HTD2: variants seen among roughly 807,000 people sequenced by gnomAD.
HTD2 encodes hydroxyacyl-thioester dehydratase type 2, mitochondrial.
A neutral mutation model predicts 3.1 loss-of-function variants in HTD2; 1 was observed. That is an observed-to-expected ratio of 0.32 (90% CI 0.11 to 1.52). The LOEUF (loss-of-function observed/expected upper bound fraction) is 1.52, where lower values mean the gene tolerates loss of function less well. Ranked by LOEUF, HTD2 falls within the 40% of genes most tolerant of loss-of-function variation. HTD2 has a pLI of 0.39. For missense variants in HTD2, 150 were observed against 79.6 expected (o/e 1.88, Z -3.36); for synonymous variants, 50 against 28.9 (o/e 1.73, Z -2.34).
Position 58,317,621 on chromosome 3 carries a change from C to T in HTD2, c.8C>T (p.Pro3Leu), listed in dbSNP as rs770395875. The T allele has an allele frequency of 9.2e-5, 69 of 751,944 alleles. No homozygotes were observed. The highest frequency in any genetic ancestry group is 2.3e-4 in the Middle Eastern group (1 of 4,414). 46.6% of individuals were successfully genotyped at this position (751,944 alleles called of 1,614,324 possible). ...AATTTGAGGGTGCTGAAGATGTTCC[C>T]ACTAATTTCCAGCCATCACCTTTGG... MF[P>L]LISSHHLWWG... Residue 3 changes from proline to leucine, a missense_variant, in exon 5 of 5, where the codon CCA (proline) becomes CTA (leucine). Physicochemically the swap from Pro to Leu is moderately conservative, Grantham distance 98 (BLOSUM62 -3). Transcript: ENST00000461393.
intron 1 of HTD2, among the ~76,000 whole-genome samples, chr3:58,309,217 T>G (rs1470807722): frequency 1.3e-5 from 2 of 152,246 alleles, no homozygotes; most frequent in African/African-American, 4.8e-5. Flanking sequence ...TCTTAGATTT[T>G]ACTCCTTTAT....
At chr3:58,309,497 G>A (rs757570349) in intron 1 of HTD2, among the ~76,000 whole-genome samples, 4 of 152,222 alleles carry the variant, frequency 2.6e-5, no homozygotes, top group Non-Finnish European at 5.9e-5. Flanking sequence ...TAAGAGTACA[G>A]TGATTTGACA....
chr3:58,317,792 CAG>C lies in HTD2; in HGVS notation c.180_181del (p.Asp62CysfsTer8), dbSNP rs2097489934. 3 of 703,080 alleles carry C rather than the reference CAG, an allele frequency of 4.3e-6. No individual in the cohort carries two copies. The highest frequency in any genetic ancestry group is 7.8e-6 in the Non-Finnish European group (3 of 385,012). 43.6% of individuals were successfully genotyped at this position (703,080 alleles called of 1,614,324 possible). On this transcript the variant is annotated frameshift_variant, in exon 5 of 5. Coordinates refer to ENST00000461393, the MANE Select transcript of HTD2 (RefSeq NM_001348712.2). LOFTEE classifies it high-confidence loss of function. Reference sequence around the variant, plus strand: ...GATGTGGCTACCTTCTCAGAATTAACAGGGGATGTCAATCCTTTGCATTTGAA... The same window carrying C: ...GATGTGGCTACCTTCTCAGAATTAACGGGATGTCAATCCTTTGCATTTGAA...
Position 58,318,066 on chromosome 3 carries a change from G to A in HTD2, c.453G>A (p.Lys151=), listed in dbSNP as rs2097490244. Residue 151 remains lysine (K), a synonymous_variant, in exon 5 of 5, where the codon AAG becomes AAA. Transcript: ENST00000461393. ...CATGTTCTGTAATAGAAAGTAAAAA[G>A]ACTGTTATGGAAGGCTGGGTTAAAG... ...AVSCSVIESK[K]TVMEGWVKVM... The A allele has an allele frequency of 4.4e-6, 3 of 685,850 alleles. No individual in the cohort carries two copies. Among genetic ancestry groups the A allele is most frequent in the Non-Finnish European group, 5.3e-6 (2 of 379,546 alleles). The allele number at this position is 685,850 out of a possible 1,614,324, so 42.5% of individuals were successfully genotyped here.
At position 58,314,766 on chromosome 3, in the gene HTD2, C is replaced by G. The variant is rs557821850; in HGVS notation, c.-330-1749C>G. On this transcript the variant is annotated intron_variant, in intron 2 of 4. Transcript: ENST00000461393. ...GTGGCACAATCTTGGCTCACTGCAA[C>G]CTCCGCCTCCCAGGTTCAGGCGATT... 6.1e-5 allele frequency among the ~76,000 whole-genome samples: 9 copies of G among 146,350 alleles called. No individual in the cohort carries two copies. The South Asian group carries it at 2.0e-3, about 32-fold the overall frequency.
rs770537330 is a variant in HTD2 at position 58,318,080 on chromosome 3, G to T, written c.467G>T (p.Gly156Val). 1 of 676,556 alleles carries T rather than the reference G, an allele frequency of 1.5e-6. No individual in the cohort carries two copies. Among genetic ancestry groups the T allele is most frequent in the South Asian group, 1.6e-5 (1 of 62,616 alleles). The allele number at this position is 676,556 out of a possible 1,614,324, so 41.9% of individuals were successfully genotyped here. A position where few individuals can be genotyped will look rare whatever the true frequency, so the allele number is the denominator to read the frequency against. Residue 156 changes from glycine (G) to valine (V), a missense_variant, in exon 5 of 5, where the codon GGC (glycine) becomes GTC (valine). By Grantham distance (109) the Gly-to-Val change is moderately radical. Coordinates refer to ENST00000461393, the MANE Select transcript of HTD2 (RefSeq NM_001348712.2). ...GAAAGTAAAAAGACTGTTATGGAAG[G>T]CTGGGTTAAAGTTATGGTTCCAGAA... ...VIESKKTVMEGWVKVMVPEAS... is the reference protein window; with the variant it reads ...VIESKKTVMEVWVKVMVPEAS...
At chr3:58,316,355 C>T (rs2097488271) in intron 2 of HTD2, 160 bp from the exon 3 acceptor site, 1 of 622,490 alleles carries the variant, frequency 1.6e-6, no homozygotes, top group East Asian at 2.8e-5. Context: ...ACATTCTAGG[C>T]AGGGGGAGCT....
At chr3:58,316,674 T>A in intron 3 of HTD2, 83 bp downstream of exon 3, 1 of 1,291,160 alleles carries the variant, frequency 7.7e-7, no homozygotes, top group Non-Finnish European at 1.1e-6. Flanking sequence ...AGAATGAGAA[T>A]AAATTTTTTG....
At chr3:58,313,574 C>T (rs2107505492) in intron 2 of HTD2, among the ~76,000 whole-genome samples, 1 of 151,532 alleles carries the variant, frequency 6.6e-6, no homozygotes. Flanking sequence ...TGTAATCCCA[C>T]CACTTTTGAG....
Position 58,318,301 on chromosome 3 carries a change from A to T in HTD2, c.*181A>T. On this transcript the variant is annotated 3_prime_UTR_variant, in exon 5 of 5. Transcript: ENST00000461393. ...TCCAGTTTGGCCTTATGCTTCATGC[A>T]GACTTGAGTGTATGCAGGATTTCAT... 1 of 517,672 alleles carries T rather than the reference A, an allele frequency of 1.9e-6. No homozygotes were observed. Among genetic ancestry groups the T allele is most frequent in the Non-Finnish European group, 3.4e-6 (1 of 296,768 alleles). The allele number at this position is 517,672 out of a possible 1,614,324, so 32.1% of individuals were successfully genotyped here. A position where few individuals can be genotyped will look rare whatever the true frequency, so the allele number is the denominator to read the frequency against.
At chr3:58,314,727 C>T (rs1017251725) in intron 2 of HTD2, among the ~76,000 whole-genome samples, 11 of 132,634 alleles carry the variant, frequency 8.3e-5, no homozygotes, top group African/African-American at 5.7e-5. Context: ...GTTCTGTCAC[C>T]GGGCTGGAGT....
chr3:58,316,167 A>C (rs2097488095), intron 2 of HTD2, among the ~76,000 whole-genome samples: 1 of 152,232 alleles, frequency 6.6e-6, no homozygotes, highest in Non-Finnish European at 1.5e-5. Context: ...TAGTAGGAAA[A>C]CATGTTGGAC....
At chr3:58,316,663 G>C in intron 3 of HTD2, 72 bp downstream of exon 3, 1 of 1,333,626 alleles carries the variant, frequency 7.5e-7, no homozygotes, top group South Asian at 1.2e-5. Context: ...GCTCTCTTCT[G>C]AGAATGAGAA....
chr3:58,311,947 A>T (rs2107503045), intron 2 of HTD2, among the ~76,000 whole-genome samples: 1 of 152,000 alleles, frequency 6.6e-6, no homozygotes, highest in African/African-American at 2.4e-5. Context: ...GTCATGGCTC[A>T]CTACAGCCTC....
rs1214301475 is a variant in HTD2, at chr3:58,318,422, C to G, written c.*302C>G. On this transcript the variant is annotated 3_prime_UTR_variant, in exon 5 of 5. Coordinates refer to ENST00000461393, the MANE Select transcript of HTD2 (RefSeq NM_001348712.2). ...CCTGTAATCCTGGCACTTTGGGAGGCTGCGGCAGGCGGATCACTTGAGGTC... is the reference window on the plus strand; with the variant it reads ...CCTGTAATCCTGGCACTTTGGGAGGGTGCGGCAGGCGGATCACTTGAGGTC... 5.2e-6 allele frequency: 1 copy of G among 192,774 alleles called. No individual in the cohort carries two copies. The highest frequency in any genetic ancestry group is 1.0e-5 in the Non-Finnish European group (1 of 96,770). The allele number at this position is 192,774 out of a possible 1,614,324, so 11.9% of individuals were successfully genotyped here. A position where few individuals can be genotyped will look rare whatever the true frequency, so the allele number is the denominator to read the frequency against.
In HTD2 at chr3:58,320,070, TG is replaced by T. The variant is rs1164192813; in HGVS notation, c.*1951del. 6.6e-6 allele frequency: 1 copy of T among 152,210 alleles called. No homozygotes were observed. Among genetic ancestry groups the T allele is most frequent in the Non-Finnish European group, 1.5e-5 (1 of 68,022 alleles). The allele number at this position is 152,210 out of a possible 1,614,324, so 9.4% of individuals were successfully genotyped here. A position where few individuals can be genotyped will look rare whatever the true frequency, so the allele number is the denominator to read the frequency against. On this transcript the variant is annotated 3_prime_UTR_variant, in exon 5 of 5. Transcript: ENST00000461393. ...GGACATTTCATAAAAGTTCATACAA[TG>T]TATGATCCTTTGGAACTGGCTTCTT...
At position 58,319,283 on chromosome 3, in the gene HTD2, G is replaced by A. The variant is rs542082670; in HGVS notation, c.*1163G>A. On this transcript the variant is annotated 3_prime_UTR_variant, in exon 5 of 5. Coordinates refer to ENST00000461393, the MANE Select transcript of HTD2 (RefSeq NM_001348712.2). ...AGTGAGACTTGCGTTTCAGGGGAGG[G>A]GCGTATGTGCATCCTCGGTCTCAGT... The A allele has an allele frequency of 6.6e-6, 1 of 152,298 alleles. No individual in the cohort carries two copies. Among genetic ancestry groups the A allele is most frequent in the South Asian group, 2.1e-4 (1 of 4,826 alleles). The allele number at this position is 152,298 out of a possible 1,614,324, so 9.4% of individuals were successfully genotyped here.
At position 58,317,006 on chromosome 3, in the gene HTD2, C is replaced by G. The variant is rs1393411710; in HGVS notation, c.-175+13C>G. ...CCGGGTGATTCAGGTAAAGACTATTCCCTCACATATTCCAAACAAGACTGA... is the reference window on the plus strand; with the variant it reads ...CCGGGTGATTCAGGTAAAGACTATTGCCTCACATATTCCAAACAAGACTGA... On this transcript the variant is annotated intron_variant, in intron 4 of 4. Transcript: ENST00000461393. 1 of 1,595,550 alleles carries G rather than the reference C, an allele frequency of 6.3e-7. No homozygotes were observed. Among genetic ancestry groups the G allele is most frequent in the South Asian group, 1.1e-5 (1 of 90,370 alleles).
intron 1 of HTD2, among the ~76,000 whole-genome samples, chr3:58,309,883 C>A (rs2097480223): frequency 6.6e-6 from 1 of 151,858 alleles, no homozygotes; most frequent in Non-Finnish European, 1.5e-5. Flanking sequence ...CAGAGCAAGA[C>A]TCCTTCTCCA....
Sources: gnomAD v4.1 joint callset for allele counts (sites outside exome capture counted in the v4.1 genomes callset) on GRCh38, gnomAD v4.1.1 for gene constraint, MANE v1.5 for transcripts, NCBI Gene and HGNC (gene_info 2026-07-23, HGNC 2026-07-21) for gene names.